Variants in UBE2L3 observed in about 807,000 individuals in gnomAD.
UBE2L3 encodes ubiquitin-conjugating enzyme E2 L3.
A neutral mutation model predicts 17.8 loss-of-function variants in UBE2L3; 1 was observed. The observed-to-expected ratio is 0.06, with a 90% CI of 0.02 to 0.27. UBE2L3 has a LOEUF of 0.27. UBE2L3 is among the 10% of genes least tolerant of loss of function. The pLI is 1.00. For synonymous variants in UBE2L3, 44 were observed against 68.5 expected (o/e 0.64, Z 1.76); for missense variants, 40 against 192.6 (o/e 0.21, Z 4.69).
chr22:21,584,021 G>A (rs191401071), intron 1 of UBE2L3, among the ~76,000 whole-genome samples: 6 of 152,082 alleles, frequency 3.9e-5, no homozygotes, highest in African/African-American at 7.2e-5. Flanking sequence ...GATTACAGGC[G>A]TGTGCCACCA....
intron 1 of UBE2L3, among the ~76,000 whole-genome samples, chr22:21,576,043 A>G (rs549223050): frequency 6.6e-6 from 1 of 151,876 alleles, no homozygotes; most frequent in African/African-American, 2.4e-5. Context: ...GTGTCCAAAG[A>G]TGAGCATAGG....
chr22:21,602,107 G>A (rs1395669795), intron 2 of UBE2L3, among the ~76,000 whole-genome samples: 1 of 152,176 alleles, frequency 6.6e-6, no homozygotes, highest in Non-Finnish European at 1.5e-5. Context: ...ACATCCCTGT[G>A]GCAGGGAAAG....
At chr22:21,572,723 C>G (rs896658981) in intron 1 of UBE2L3, among the ~76,000 whole-genome samples, 1 of 152,144 alleles carries the variant, frequency 6.6e-6, no homozygotes, top group Non-Finnish European at 1.5e-5. Flanking sequence ...GAGCCAGACT[C>G]CAACCACTTC....
intron 3 of UBE2L3, among the ~76,000 whole-genome samples, chr22:21,620,011 AC>A (rs759720249): frequency 5.3e-5 from 8 of 152,224 alleles, no homozygotes; most frequent in Non-Finnish European, 8.8e-5. Flanking sequence ...AAAGGAATTG[AC>A]CAGGTGCAGT....
At chr22:21,555,855 C>T (rs2148387993) in intron 1 of UBE2L3, among the ~76,000 whole-genome samples, 1 of 152,364 alleles carries the variant, frequency 6.6e-6, no homozygotes, top group East Asian at 1.9e-4. Flanking sequence ...TCACTTGAAC[C>T]CAGGAGGTGG....
chr22:21,578,080 G>A (rs767530665), intron 1 of UBE2L3, among the ~76,000 whole-genome samples: 4 of 152,056 alleles, frequency 2.6e-5, no homozygotes, highest in Non-Finnish European at 4.4e-5. Context: ...GTCAGCGGCC[G>A]GGCACGGTGG....
At chr22:21,617,615 C>T (rs1206734029) in intron 3 of UBE2L3, among the ~76,000 whole-genome samples, 1 of 152,052 alleles carries the variant, frequency 6.6e-6, no homozygotes, top group Non-Finnish European at 1.5e-5. Flanking sequence ...AAAAGTACTT[C>T]TGAGGAGCAT....
chr22:21,609,061 AT>A (rs765826325), intron 2 of UBE2L3, among the ~76,000 whole-genome samples: 6 of 150,748 alleles, frequency 4.0e-5, no homozygotes, highest in Non-Finnish European at 8.9e-5. Flanking sequence ...CGTCCAGCTA[AT>A]TTTTTTTTGT....
intron 1 of UBE2L3, among the ~76,000 whole-genome samples, chr22:21,580,183 C>T (rs1927544980): frequency 6.6e-6 from 1 of 152,182 alleles, no homozygotes; most frequent in Non-Finnish European, 1.5e-5. Context: ...CTTTGGGTGG[C>T]TGAGATAGTC....
chr22:21,620,486 A>C (rs1929991054), intron 3 of UBE2L3, among the ~76,000 whole-genome samples: 1 of 152,296 alleles, frequency 6.6e-6, no homozygotes, highest in South Asian at 2.1e-4. Context: ...ACTGTTTTAC[A>C]GTGGGAAGGA....
At chr22:21,563,579 CT>C (rs536786477), upstream of UBE2L3, among the ~76,000 whole-genome samples, 1,548 of 133,550 alleles carry the variant, frequency 0.012, 37 homozygotes, top group African/African-American at 0.037. Context: ...AAAATTAATA[CT>C]TTTTTTTTTT....
At chr22:21,579,441 A>G (rs1398486552) in intron 1 of UBE2L3, among the ~76,000 whole-genome samples, 1 of 152,010 alleles carries the variant, frequency 6.6e-6, no homozygotes, top group Non-Finnish European at 1.5e-5. Context: ...CATGAGGCTT[A>G]TGTTTAGATT....
At chr22:21,613,244 G>A (rs963292517) in intron 3 of UBE2L3, among the ~76,000 whole-genome samples, 3 of 152,214 alleles carry the variant, frequency 2.0e-5, no homozygotes, top group African/African-American at 7.2e-5. Flanking sequence ...ATAGAAGGCC[G>A]TGGCAGGGTT....
chr22:21,613,349 C>CTT (rs758815004), intron 3 of UBE2L3, among the ~76,000 whole-genome samples: 2 of 152,120 alleles, frequency 1.3e-5, no homozygotes, highest in Non-Finnish European at 2.9e-5. Context: ...AGCCAAATAA[C>CTT]TTAGGGGCAG....
At chr22:21,570,893 A>G (rs1401805328) in intron 1 of UBE2L3, among the ~76,000 whole-genome samples, 1 of 152,184 alleles carries the variant, frequency 6.6e-6, no homozygotes, top group Non-Finnish European at 1.5e-5. Context: ...AGAACTTTAG[A>G]TTTCTGTTAA....
upstream of UBE2L3, among the ~76,000 whole-genome samples, chr22:21,565,971 C>CT (rs527289152): frequency 0.033 from 4,061 of 122,612 alleles, 178 homozygotes; most frequent in East Asian, 0.094. Context: ...CAGAGTACTC[C>CT]TTTTTTTTTT....
intron 1 of UBE2L3, among the ~76,000 whole-genome samples, chr22:21,573,556 A>G (rs1226155182): frequency 6.6e-6 from 1 of 152,170 alleles, no homozygotes; most frequent in Non-Finnish European, 1.5e-5. Flanking sequence ...AATGGCTTGC[A>G]GGAGAGGGAA....
In UBE2L3 at chr22:21,610,728, C is replaced by T. The variant is rs1196526478; in HGVS notation, c.124-129C>T. The T allele has an allele frequency of 1.3e-5, 13 of 1,038,102 alleles. No homozygotes were observed. In the East Asian group the frequency reaches 3.1e-4, roughly 25 times the overall value. The allele number at this position is 1,038,102 out of a possible 1,614,324, so 64.3% of individuals were successfully genotyped here. Reference sequence around the variant, plus strand: ...GGTGGCTGGGTTGTCCTGAAGGTGGCAGGGCTTCAGTTGATACTTGAATCC... The same window carrying T: ...GGTGGCTGGGTTGTCCTGAAGGTGGTAGGGCTTCAGTTGATACTTGAATCC... On this transcript the variant is annotated intron_variant, in intron 2 of 3. Coordinates refer to ENST00000342192, the MANE Select transcript of UBE2L3 (RefSeq NM_003347.4).
chr22:21,611,316 G>T (rs1601438359), intron 3 of UBE2L3, among the ~76,000 whole-genome samples: 1 of 152,206 alleles, frequency 6.6e-6, no homozygotes, highest in Non-Finnish European at 1.5e-5. Context: ...CTTGCTGCTG[G>T]TGCAGAGAGG....
Sources: gnomAD v4.1 joint callset for allele counts (sites outside exome capture counted in the v4.1 genomes callset) on GRCh38, gnomAD v4.1.1 for gene constraint, MANE v1.5 for transcripts, NCBI Gene and HGNC (gene_info 2026-07-23, HGNC 2026-07-21) for gene names.